The following SDS variants were observed in gnomAD, a reference collection of about 807,000 sequenced individuals.
SDS encodes L-serine dehydratase/L-threonine deaminase.
A neutral mutation model predicts 29.3 loss-of-function variants in SDS; 19 were observed. That is an observed-to-expected ratio of 0.65 (90% CI 0.45 to 0.95). SDS has a LOEUF of 0.95. Among genes scored for constraint, SDS ranks in the 40% least tolerant of loss-of-function variants. SDS has a pLI of 0.00. For synonymous variants in SDS, 176 were observed against 189.0 expected (o/e 0.93, Z 0.56); for missense variants, 375 against 439.9 (o/e 0.85, Z 1.32).
chr12:113,394,584 C>A (rs1045804846), intron 6 of SDS, among the ~76,000 whole-genome samples: 2 of 152,034 alleles, frequency 1.3e-5, no homozygotes, highest in Non-Finnish European at 2.9e-5. Flanking sequence ...AGGTGATCCA[C>A]CCCCCTCGGC....
rs1957621326 is a variant in SDS, at chr12:113,393,108, G to C, written c.820C>G (p.Leu274Val). 9.3e-6 allele frequency: 15 copies of C among 1,614,062 alleles called. No individual in the cohort carries two copies. The highest frequency in any genetic ancestry group is 1.3e-5 in the African/African-American group (1 of 74,956). The change falls in exon 8 of 8, where the codon CTG (leucine) becomes GTG (valine). Residue 274 changes from leucine to valine, a missense_variant. Physicochemically the swap from Leu to Val is conservative, Grantham distance 32. Transcript: ENST00000257549. ...ATCACGTGGCTATAGACAGCGGCCA[G>C]GGCTGCCCCGCAGGCGGGCTCCACC... ...ILVEPACGAALAAVYSHVIQK... is the reference protein window; with the variant it reads ...ILVEPACGAAVAAVYSHVIQK...
At chr12:113,393,591 C>CT (rs1010003533) in intron 7 of SDS, among the ~76,000 whole-genome samples, 2 of 152,140 alleles carry the variant, frequency 1.3e-5, no homozygotes, top group Non-Finnish European at 1.5e-5. Flanking sequence ...CCATGTTTTC[C>CT]TTTTTTTACC....
At chr12:113,395,451 C>A (rs1430905581) in intron 6 of SDS, among the ~76,000 whole-genome samples, 1 of 152,196 alleles carries the variant, frequency 6.6e-6, no homozygotes. Flanking sequence ...ATTGTCTGCC[C>A]CGGTGTCTTT....
intron 7 of SDS, among the ~76,000 whole-genome samples, chr12:113,393,519 G>A (rs1957624480): frequency 6.6e-6 from 1 of 152,048 alleles, no homozygotes; most frequent in South Asian, 2.1e-4. Flanking sequence ...TGCCCTAGAC[G>A]GAACCCAGAA....
At chr12:113,395,318 G>T (rs1330851607) in intron 6 of SDS, among the ~76,000 whole-genome samples, 2 of 152,188 alleles carry the variant, frequency 1.3e-5, no homozygotes, top group Non-Finnish European at 2.9e-5. Context: ...TACAGTAGGC[G>T]CTCAGCCATG....
rs1236718928 is a variant in SDS at position 113,397,373 on chromosome 12, C to T, written c.445G>A (p.Val149Met). 8.7e-6 allele frequency: 14 copies of T among 1,610,042 alleles called. No individual in the cohort carries two copies. The highest frequency in any genetic ancestry group is 4.0e-5 in the African/African-American group (3 of 74,866). The change falls in exon 6 of 8, where the codon GTG becomes ATG. Residue 149 changes from valine to methionine, a missense_variant. Physicochemically the swap from Val to Met is conservative, Grantham distance 21. Coordinates refer to ENST00000257549, the MANE Select transcript of SDS (RefSeq NM_006843.3). ...PLIWEGHASI[V>M]KELKETLWEK... ...CACAGTGTCTCCTTCAGCTCTTTCA[C>T]GATGGAAGCGTGGCCTTCCCTGGAG...
intron 5 of SDS, among the ~76,000 whole-genome samples, chr12:113,397,994 G>A (rs1282873792): frequency 1.3e-5 from 2 of 152,010 alleles, no homozygotes; most frequent in Admixed American, 6.6e-5. Flanking sequence ...ATGTGCAGCC[G>A]TGGATAATGG....
intron 1 of SDS, among the ~76,000 whole-genome samples, chr12:113,401,441 A>T (rs1957684313): frequency 6.6e-6 from 1 of 152,066 alleles, no homozygotes; most frequent in Admixed American, 6.6e-5. Context: ...TATGTTGGCC[A>T]GGCTGGTCTC....
chr12:113,398,053 T>C (rs2136934607), intron 5 of SDS, among the ~76,000 whole-genome samples: 1 of 151,248 alleles, frequency 6.6e-6, no homozygotes, highest in South Asian at 2.1e-4. Flanking sequence ...GTGTAACGTG[T>C]GTTTCTTCTT....
intron 6 of SDS, among the ~76,000 whole-genome samples, chr12:113,395,066 GGAAA>G (rs1445650381): frequency 6.6e-6 from 1 of 152,200 alleles, no homozygotes. Flanking sequence ...TTTGGAAAGG[GGAAA>G]CTGAGGCAGA....
rs376660804 is a variant in SDS, at chr12:113,393,929, C to G, written c.741G>C (p.Ser247=). 14 of 1,614,022 alleles carry G rather than the reference C, an allele frequency of 8.7e-6. No homozygotes were observed. The highest frequency in any genetic ancestry group is 1.3e-5 in the African/African-American group (1 of 74,918). ...CAATGGCGGCCACAGCCTCCTGGTCCGAGATAACTTCAGAGAAAATGGGGT... is the reference window on the plus strand; with the variant it reads ...CAATGGCGGCCACAGCCTCCTGGTCGGAGATAACTTCAGAGAAAATGGGGT... ...QEHPIFSEVI[S]DQEAVAAIEK... is the part of the protein sequence containing the mutation. The change falls in exon 7 of 8, where the codon TCG becomes TCC. Residue 247 remains serine, a synonymous_variant. Coordinates refer to ENST00000257549, the MANE Select transcript of SDS (RefSeq NM_006843.3).
Position 113,398,530 on chromosome 12 carries a change from T to C in SDS, c.410A>G (p.Asp137Gly), listed in dbSNP as rs771490899. 2 of 1,590,394 alleles carry C rather than the reference T, an allele frequency of 1.3e-6. No homozygotes were observed. Among genetic ancestry groups the C allele is most frequent in the East Asian group, 4.5e-5 (2 of 44,586 alleles). ...CTCCACATACCAGATGAGGGGGTCA[T>C]CAAAGGGGGGAATGTAGACCCAACC... Reference protein sequence around the residue: ...NPGWVYIPPFDDPLIWEGHAS... With the variant: ...NPGWVYIPPFGDPLIWEGHAS... Residue 137 changes from aspartate to glycine, a missense_variant, in exon 5 of 8, where the codon GAT becomes GGT. Asp to Gly is a moderately conservative substitution (Grantham distance 94). Transcript: ENST00000257549.
chr12:113,399,185 C>T (rs1385606308), intron 2 of SDS, 34 bp from the exon 3 acceptor site: 1 of 1,611,368 alleles, frequency 6.2e-7, no homozygotes, highest in Non-Finnish European at 8.5e-7. Context: ...CTCAGGCCCA[C>T]CTCCCAGTCA....
At chr12:113,402,266 A>G (rs866312034) in intron 1 of SDS, among the ~76,000 whole-genome samples, 8 of 152,266 alleles carry the variant, frequency 5.3e-5, no homozygotes, top group South Asian at 2.1e-4. Flanking sequence ...CAGCTCCTGG[A>G]GGTTAATCCC....
chr12:113,402,773 C>T (rs772995872), intron 1 of SDS, among the ~76,000 whole-genome samples: 1 of 152,196 alleles, frequency 6.6e-6, no homozygotes, highest in Non-Finnish European at 1.5e-5. Context: ...CCCTCTGCCG[C>T]GGCTTTCCGT....
intron 1 of SDS, among the ~76,000 whole-genome samples, chr12:113,400,774 C>T (rs1188408256): frequency 6.6e-6 from 1 of 151,978 alleles, no homozygotes; most frequent in East Asian, 1.9e-4. Context: ...CTGAGGAGAG[C>T]TGGCCCTCGG....
rs140791211 is a variant in SDS, at chr12:113,399,244, G to A, written c.154-93C>T. On this transcript the variant is annotated intron_variant, in intron 2 of 7. Coordinates refer to ENST00000257549, the MANE Select transcript of SDS (RefSeq NM_006843.3). ...CTGGAATACCTGCCAGGATTCCAGT[G>A]GACACGGACGTTTCCTTCACTCAGA... 8.4e-4 allele frequency: 1,108 copies of A among 1,318,838 alleles called. 7 individuals carry two copies. In the African/African-American group the frequency reaches 0.014, roughly 16 times the overall value. The allele number at this position is 1,318,838 out of a possible 1,614,324, so 81.7% of individuals were successfully genotyped here.
In SDS at chr12:113,393,016, C is replaced by A. The variant is rs983487094; in HGVS notation, c.912G>T (p.Gly304=). Residue 304 remains glycine (G), a synonymous_variant, in exon 8 of 8, where the codon GGG becomes GGT. Transcript: ENST00000257549. ...GCTGGGCCAGGCTGATGTTGCTGCC[C>A]CCGCAGACGATGACCACGAGGGATG... is the stretch of plus-strand genomic sequence containing the variant. The part of the protein sequence containing the change: ...PLPSLVVIVC[G]GSNISLAQLR... 6.2e-7 allele frequency: 1 copy of A among 1,614,172 alleles called. No individual in the cohort carries two copies. Among genetic ancestry groups the A allele is most frequent in the Non-Finnish European group, 8.5e-7 (1 of 1,180,026 alleles).
chr12:113,401,979 C>T (rs1322480931), intron 1 of SDS, among the ~76,000 whole-genome samples: 1 of 152,166 alleles, frequency 6.6e-6, no homozygotes, highest in Non-Finnish European at 1.5e-5. Context: ...GTCCAGCCCC[C>T]TGTCCTGGGC....
Sources: allele counts gnomAD v4.1 joint callset (sites outside exome capture counted in the v4.1 genomes callset), GRCh38; gene constraint gnomAD v4.1.1; transcripts MANE v1.5; gene names NCBI Gene and HGNC (gene_info 2026-07-23, HGNC 2026-07-21).